CFAP47: variants seen among roughly 807,000 people sequenced by gnomAD.
CFAP47 encodes the protein cilia- and flagella-associated protein 47.
Under a neutral mutation model 148.1 loss-of-function variants are expected in CFAP47, and 29 were observed. The ratio of observed to expected loss-of-function variants is 0.20; its 90% CI spans 0.15 to 0.27. The LOEUF is 0.27. Ranked by LOEUF, CFAP47 falls within the 10% of genes least tolerant of loss-of-function variation. The pLI, the probability that CFAP47 is intolerant of heterozygous loss-of-function variation, is 1.00. For synonymous variants in CFAP47, 664 were observed against 577.3 expected (o/e 1.15, Z -2.15); for missense variants, 1,872 against 1,697.5 (o/e 1.10, Z -1.81).
At chrX:36,140,481 G>A (rs1939120265) in intron 35 of CFAP47, among the ~76,000 whole-genome samples, 1 of 110,251 alleles carries the variant, frequency 9.1e-6, no homozygotes, top group Admixed American at 9.7e-5. Flanking sequence ...AGATAAAAAT[G>A]TAGAAAAGTT....
chrX:36,303,810 T>C lies in CFAP47; in HGVS notation c.7971-39T>C, dbSNP rs1556008259. On this transcript the variant is annotated intron_variant, in intron 53 of 63. Coordinates refer to ENST00000378653, the MANE Select transcript of CFAP47 (RefSeq NM_001304548.2). ...ATGGAATTAACACTAAATAAGTTTA[T>C]GAATACCAGCAACTTTACTAGCTTT... 3.9e-6 allele frequency: 3 copies of C among 771,738 alleles called. No homozygotes were observed. The Admixed American group carries it at 1.1e-4, about 29-fold the overall frequency. The allele number at this position is 771,738 out of a possible 1,213,427, so 63.6% of individuals were successfully genotyped here. A position where few individuals can be genotyped will look rare whatever the true frequency, so the allele number is the denominator to read the frequency against.
intron 54 of CFAP47, among the ~76,000 whole-genome samples, chrX:36,306,346 C>T (rs1941348478): frequency 9.0e-6 from 1 of 111,646 alleles, no homozygotes; most frequent in Non-Finnish European, 1.9e-5. Context: ...GCATGTCTTA[C>T]ACCTTTGCTT....
In CFAP47 at chrX:36,371,771, CACACATGTGTATATAT is replaced by C. The variant is rs1472109043; in HGVS notation, c.9185+4645_9185+4660del. ...GTATATACACACATGTGTGTATATA[CACACATGTGTATATAT>C]GTGTGTATATACACACATGTATATA... On this transcript the variant is annotated intron_variant, in intron 62 of 63. Transcript: ENST00000378653. 3.1e-4 allele frequency among the ~76,000 whole-genome samples: 14 copies of C among 44,959 alleles called. 1 individual carries two copies. In the African/African-American group the frequency reaches 3.2e-3, roughly 10 times the overall value. 39.0% of individuals were successfully genotyped at this position (44,959 alleles called of 115,157 possible). A position where few individuals can be genotyped will look rare whatever the true frequency, so the allele number is the denominator to read the frequency against.
At chrX:36,049,081 T>C (rs779831283) in intron 26 of CFAP47, among the ~76,000 whole-genome samples, 11 of 111,351 alleles carry the variant, frequency 9.9e-5, no homozygotes, top group Non-Finnish European at 1.7e-4. Context: ...AAGCATAAGG[T>C]CTACAGCTAT....
rs77507837 is a variant in CFAP47 at position 36,354,950 on chromosome X, G to A, written c.8851+1269G>A. 4.5e-5 allele frequency among the ~76,000 whole-genome samples: 5 copies of A among 111,012 alleles called. No homozygotes were observed. In the East Asian group the frequency reaches 1.1e-3, roughly 25 times the overall value. The stretch of plus-strand genomic sequence containing the variant: ...AATCAACAGGGTGAAAAGATAACAC[G>A]TGGAATGGTAGAAAACATTTGCAAC... On this transcript the variant is annotated intron_variant, in intron 60 of 63. Transcript: ENST00000378653.
At chrX:36,223,954 C>T (rs1344495889) in intron 45 of CFAP47, among the ~76,000 whole-genome samples, 3 of 110,238 alleles carry the variant, frequency 2.7e-5, no homozygotes, top group Non-Finnish European at 5.7e-5. Flanking sequence ...TCCAATATAC[C>T]CATGTAAAAA....
intron 6 of CFAP47, among the ~76,000 whole-genome samples, chrX:35,952,181 C>T (rs1249548148): frequency 9.0e-6 from 1 of 111,449 alleles, no homozygotes; most frequent in African/African-American, 3.3e-5. Context: ...TTAAAAATAT[C>T]CCTAGACCTT....
At chrX:36,237,171 T>C (rs1191830526) in intron 48 of CFAP47, among the ~76,000 whole-genome samples, 1 of 112,097 alleles carries the variant, frequency 8.9e-6, no homozygotes, top group Non-Finnish European at 1.9e-5. Context: ...TTTTCAAAAA[T>C]ATTTAGAAAC....
chrX:36,384,982 TGC>T lies in CFAP47; in HGVS notation c.9541_9542del (p.Ala3181SerfsTer19), dbSNP rs1556024924. The T allele has an allele frequency of 8.6e-7, 1 of 1,161,822 alleles. No homozygotes were observed. The highest frequency in any genetic ancestry group is 1.8e-5 in the African/African-American group (1 of 55,692). ...CAGGGGTGTCTTCCACCATCAAGGG[TGC>T]TCCTTTGGTGAAGAATCAATAAAAT... ...RTGVSSTIKG[A>X]PLVKNQ On this transcript the variant is annotated frameshift_variant, in exon 64 of 64. Transcript: ENST00000378653. LOFTEE classifies it high-confidence loss of function.
At chrX:36,234,274 T>A (rs1940418878) in intron 46 of CFAP47, among the ~76,000 whole-genome samples, 1 of 111,121 alleles carries the variant, frequency 9.0e-6, no homozygotes, top group Admixed American at 9.6e-5. Flanking sequence ...GATTTGGTCT[T>A]TTCACATAGT....
intron 35 of CFAP47, among the ~76,000 whole-genome samples, chrX:36,140,179 A>G (rs5973588): frequency 0.28 from 31,299 of 110,501 alleles, 6,168 homozygotes; most frequent in African/African-American, 0.7. Context: ...AAACAAGGCT[A>G]ATGCAAAGCG....
At chrX:36,148,974 C>A in intron 36 of CFAP47, 134 bp from the exon 37 acceptor site, 1 of 203,589 alleles carries the variant, frequency 4.9e-6, no homozygotes, top group Non-Finnish European at 8.6e-6. Context: ...TGGCTTTGTC[C>A]AGTTGGTGTT....
At chrX:36,053,796 T>A (rs1601950126) in intron 26 of CFAP47, among the ~76,000 whole-genome samples, 1 of 112,457 alleles carries the variant, frequency 8.9e-6, no homozygotes, top group African/African-American at 3.2e-5. Context: ...CATCGTTTAC[T>A]TGTAGCCAAA....
At chrX:35,920,121 A>G (rs1157366634) in intron 1 of CFAP47, 73 bp downstream of exon 1, 2 of 1,071,660 alleles carry the variant, frequency 1.9e-6, no homozygotes, top group African/African-American at 1.9e-5. Flanking sequence ...TCTTTGCCCC[A>G]GGGAGTAGTC....
At chrX:35,970,678 TG>T (rs1440602606) in intron 10 of CFAP47, 89 bp from the exon 11 acceptor site, 18 of 647,376 alleles carry the variant, frequency 2.8e-5, no homozygotes, top group Non-Finnish European at 4.1e-5. Context: ...ATCCAACACC[TG>T]ATATAGAAAT....
intron 27 of CFAP47, among the ~76,000 whole-genome samples, chrX:36,070,617 G>T (rs769996984): frequency 1.9e-5 from 2 of 106,619 alleles, no homozygotes; most frequent in South Asian, 4.3e-4. Context: ...TCAGCCTCCC[G>T]AGTAGCTGGG....
At chrX:36,068,787 C>G (rs1055115138) in intron 27 of CFAP47, among the ~76,000 whole-genome samples, 2 of 107,761 alleles carry the variant, frequency 1.9e-5, no homozygotes, top group Admixed American at 2.0e-4. Context: ...GAAACCCCGT[C>G]TCTACTAAAA....
chrX:36,129,369 C>A (rs1193141713), intron 33 of CFAP47, among the ~76,000 whole-genome samples: 3 of 110,344 alleles, frequency 2.7e-5, no homozygotes, highest in Non-Finnish European at 5.7e-5. Flanking sequence ...TATCTTGATA[C>A]TGAAAATATT....
At chrX:36,202,263 C>T (rs1165731163) in intron 44 of CFAP47, among the ~76,000 whole-genome samples, 12 of 111,301 alleles carry the variant, frequency 1.1e-4, no homozygotes, top group African/African-American at 2.9e-4. Context: ...GCAGCCAAAG[C>T]GATTGTTGTA....
Sources: allele counts gnomAD v4.1 joint callset (sites outside exome capture counted in the v4.1 genomes callset), GRCh38; gene constraint gnomAD v4.1.1; transcripts MANE v1.5; gene names NCBI Gene and HGNC (gene_info 2026-07-23, HGNC 2026-07-21).